The following HGSNAT variants were observed in gnomAD, a reference collection of about 807,000 sequenced individuals.
The protein encoded by HGSNAT is heparan-alpha-glucosaminide N-acetyltransferase, also known as transmembrane protein 76.
A neutral mutation model predicts 85.2 loss-of-function variants in HGSNAT; 59 were observed. That is an observed-to-expected ratio of 0.69 (90% CI 0.56 to 0.86). The LOEUF is 0.86. HGSNAT is among the 40% of genes least tolerant of loss of function. HGSNAT has a pLI of 0.00. For synonymous variants in HGSNAT, 321 were observed against 304.5 expected (o/e 1.05, Z -0.56); for missense variants, 756 against 777.1 (o/e 0.97, Z 0.32).
chr8:43,173,901 G>C, intron 9 of HGSNAT, 158 bp downstream of exon 9: 1 of 692,828 alleles, frequency 1.4e-6, no homozygotes, highest in South Asian at 1.9e-5. Flanking sequence ...ACTTGACCCA[G>C]TGCCTACACG....
intron 11 of HGSNAT, 137 bp downstream of exon 11, chr8:43,182,397 C>G: frequency 1.3e-6 from 1 of 766,942 alleles, no homozygotes; most frequent in Non-Finnish European, 2.3e-6. Flanking sequence ...CTTGGCCACC[C>G]AAAGCGCCGG....
intron 7 of HGSNAT, among the ~76,000 whole-genome samples, chr8:43,170,989 G>A (rs369591569): frequency 1.6e-4 from 25 of 152,182 alleles, no homozygotes; most frequent in African/African-American, 5.8e-4. Context: ...TGTTACTTGG[G>A]GCTGCAGACT....
chr8:43,161,330 A>G (rs1269867405), intron 4 of HGSNAT, 108 bp from the exon 5 acceptor site: 21 of 802,320 alleles, frequency 2.6e-5, no homozygotes, highest in Non-Finnish European at 4.3e-5. Flanking sequence ...ATGAGAATAT[A>G]GGCTTCCCCT....
Position 43,172,323 on chromosome 8 carries a change from C to A in HGSNAT, c.757C>A (p.Leu253Ile). 6.2e-7 allele frequency: 1 copy of A among 1,611,304 alleles called. No homozygotes were observed. Among genetic ancestry groups the A allele is most frequent in the Non-Finnish European group, 8.5e-7 (1 of 1,177,424 alleles). Residue 253 changes from leucine to isoleucine, a missense_variant, in exon 8 of 18, where the codon CTC becomes ATC. Physicochemically the swap from Leu to Ile is conservative, Grantham distance 5 (BLOSUM62 2). Transcript: ENST00000379644. ...VDTFRGIALI[L>I]MVFVNYGGGK... ...GGCTTCTTCTAGGATTGCTCTTATA[C>A]TCATGGTCTTTGTCAATTATGGAGG...
At chr8:43,175,209 T>C (rs1319019339) in intron 9 of HGSNAT, among the ~76,000 whole-genome samples, 1 of 152,202 alleles carries the variant, frequency 6.6e-6, no homozygotes, top group African/African-American at 2.4e-5. Context: ...ATCTCTTCAA[T>C]ATACTGATTT....
chr8:43,144,764 A>C (rs970436871), intron 1 of HGSNAT, among the ~76,000 whole-genome samples: 9 of 152,196 alleles, frequency 5.9e-5, no homozygotes, highest in Non-Finnish European at 8.8e-5. Flanking sequence ...AGGGTAAATG[A>C]AAAATTTCAA....
rs767576717 is a variant in HGSNAT, at chr8:43,197,665, A to AATAATATAAAATG, written c.1543-7_1543-6insATAATATAAAATG. 1.9e-6 allele frequency: 3 copies of AATAATATAAAATG among 1,606,078 alleles called. No individual in the cohort carries two copies. In the Admixed American group the frequency reaches 5.0e-5, roughly 27 times the overall value. On this transcript the variant is annotated splice_polypyrimidine_tract_variant and splice_region_variant and intron_variant, in intron 15 of 17. Transcript: ENST00000379644. Reference sequence around the variant, plus strand: ...AAATGTTAACATCCTTCTCTTCCCCATTACAGGGGCTCATTTCTGTTGCTC... The same window carrying AATAATATAAAATG: ...AAATGTTAACATCCTTCTCTTCCCCAATAATATAAAATGTTACAGGGGCTCATTTCTGTTGCTC...
chr8:43,141,831 C>G (rs1802559389), intron 1 of HGSNAT, among the ~76,000 whole-genome samples: 1 of 152,138 alleles, frequency 6.6e-6, no homozygotes, highest in South Asian at 2.1e-4. Flanking sequence ...TCTGCCTGAT[C>G]ACAATTTGTC....
chr8:43,191,910 T>C (rs1030691002), intron 12 of HGSNAT, among the ~76,000 whole-genome samples: 28 of 152,036 alleles, frequency 1.8e-4, no homozygotes, highest in Admixed American at 1.4e-3. Context: ...GCTGCATACA[T>C]AGCCAATATA....
At position 43,141,288 on chromosome 8, in the gene HGSNAT, A is replaced by AGCCGCCGCCGCC. The variant is rs545919735; in HGVS notation, c.118+687_118+698dup. ...CGTTTTCCCTCCAGGGTGACTGGGA[A>AGCCGCCGCCGCC]GCCGCCGCCGCCGCCGCCGCCGCCT... On this transcript the variant is annotated intron_variant, in intron 1 of 17. Transcript: ENST00000379644. 1.0e-2 allele frequency among the ~76,000 whole-genome samples: 1,515 copies of AGCCGCCGCCGCC among 151,826 alleles called. 26 individuals carry two copies. The highest frequency in any genetic ancestry group is 0.035 in the African/African-American group (1,464 of 41,396).
chr8:43,167,911 TTTTC>T (rs752653386), intron 5 of HGSNAT: 222 of 281,816 alleles, frequency 7.9e-4, no homozygotes, highest in Non-Finnish European at 1.1e-3. Flanking sequence ...GATATCTTTC[TTTTC>T]TTTCTTTCTT....
chr8:43,183,805 GC>G (rs1804215803), intron 11 of HGSNAT, among the ~76,000 whole-genome samples: 1 of 151,984 alleles, frequency 6.6e-6, no homozygotes, highest in African/African-American at 2.4e-5. Context: ...CCCACAACAG[GC>G]CCCGGTGTGT....
intron 2 of HGSNAT, among the ~76,000 whole-genome samples, chr8:43,149,985 C>G (rs2130688640): frequency 6.6e-6 from 1 of 152,140 alleles, no homozygotes; most frequent in East Asian, 1.9e-4. Flanking sequence ...AAGACGGAGT[C>G]TTGCTCTGTC....
intron 2 of HGSNAT, among the ~76,000 whole-genome samples, chr8:43,156,951 GT>G (rs1305973208): frequency 2.0e-5 from 3 of 151,464 alleles, no homozygotes; most frequent in Non-Finnish European, 4.4e-5. Context: ...AGTTGGGTCT[GT>G]TTTTTTTAAT....
chr8:43,182,298 A>G, intron 11 of HGSNAT, 38 bp downstream of exon 11: 1 of 1,438,876 alleles, frequency 6.9e-7, no homozygotes, highest in Non-Finnish European at 9.8e-7. Context: ...AACTTTTTTT[A>G]AATTAAAAAA....
intron 11 of HGSNAT, among the ~76,000 whole-genome samples, chr8:43,188,054 T>TTC (rs1042371604): frequency 6.6e-6 from 1 of 152,176 alleles, no homozygotes; most frequent in Non-Finnish European, 1.5e-5. Flanking sequence ...AACCTGACCT[T>TTC]TCTCTCTGGC....
chr8:43,146,818 C>A, intron 1 of HGSNAT, 130 bp from the exon 2 acceptor site: 1 of 603,142 alleles, frequency 1.7e-6, no homozygotes, highest in East Asian at 2.8e-5. Flanking sequence ...TGAGAGACCC[C>A]AGAAATCCCA....
chr8:43,141,099 A>T (rs938126887), intron 1 of HGSNAT, among the ~76,000 whole-genome samples: 5 of 152,098 alleles, frequency 3.3e-5, no homozygotes, highest in African/African-American at 1.2e-4. Context: ...CGTGCGACCC[A>T]TTGGCTTCAG....
intron 5 of HGSNAT, 102 bp downstream of exon 5, chr8:43,161,609 A>G: frequency 1.2e-6 from 1 of 802,160 alleles, no homozygotes; most frequent in Non-Finnish European, 1.9e-6. Context: ...CTTCGATGAT[A>G]TGAACATTTC....
Sources: gnomAD v4.1 joint callset for allele counts (sites outside exome capture counted in the v4.1 genomes callset) on GRCh38, gnomAD v4.1.1 for gene constraint, MANE v1.5 for transcripts, NCBI Gene and HGNC (gene_info 2026-07-23, HGNC 2026-07-21) for gene names.